Variants in TOP2B observed in about 807,000 individuals in gnomAD.
TOP2B encodes DNA topoisomerase II beta, also known as DNA topoisomerase 2-beta.
In TOP2B, 51 loss-of-function variants were observed where a neutral mutation model predicts 193.5. The ratio of observed to expected loss-of-function variants is 0.26; its 90% confidence interval spans 0.21 to 0.33. The LOEUF (loss-of-function observed/expected upper bound fraction) is 0.33. TOP2B is among the 10% of genes least tolerant of loss of function. The probability of loss-of-function intolerance (pLI) is 1.00; values close to 1 mark genes in which losing one functional copy is unlikely to be tolerated. For missense variants in TOP2B, 1,378 were observed against 1,909.3 expected (o/e 0.72, Z 5.19); for synonymous variants, 634 against 635.7 (o/e 1.00, Z 0.04).
Position 25,626,604 on chromosome 3 carries a change from A to T in TOP2B, c.2180T>A (p.Phe727Tyr). The change falls in exon 18 of 36, where the codon TTC (phenylalanine) becomes TAC (tyrosine). Residue 727 changes from phenylalanine to tyrosine, a missense_variant. By Grantham distance (22) the Phe-to-Tyr change is conservative (BLOSUM62 3). This residue lies in a region of TOP2B where 379 missense variants were observed against 615.1 expected (regional missense o/e 0.62). Coordinates refer to ENST00000264331, the MANE Select transcript of TOP2B (RefSeq NM_001330700.2). Reference sequence around the variant, plus strand: ...AGATCTTTCATTGTCTGAGTTTGAGAAGAGAATCAATTCCTTGTTGATGAA... The same window carrying T: ...AGATCTTTCATTGTCTGAGTTTGAGTAGAGAATCAATTCCTTGTTGATGAA... ...NDFINKELILFSNSDNERSIP... is the reference protein window; with the variant it reads ...NDFINKELILYSNSDNERSIP... The T allele has an allele frequency of 6.5e-7, 1 of 1,536,746 alleles. No homozygotes were observed. The highest frequency in any genetic ancestry group is 8.7e-7 in the Non-Finnish European group (1 of 1,144,538).
chr3:25,632,428 A>C lies in TOP2B; in HGVS notation c.1266+18T>G. On this transcript the variant is annotated intron_variant, in intron 10 of 35. Transcript: ENST00000264331. Reference sequence around the variant, plus strand: ...AACTCTTAATAACAACAATAAAAAAAATACAAGTTTTACTCACTGCTTTAA... The same window carrying C: ...AACTCTTAATAACAACAATAAAAAACATACAAGTTTTACTCACTGCTTTAA... 1 of 1,527,174 alleles carries C rather than the reference A, an allele frequency of 6.5e-7. No homozygotes were observed. Among genetic ancestry groups the C allele is most frequent in the East Asian group, 2.4e-5 (1 of 41,626 alleles). The allele number at this position is 1,527,174 out of a possible 1,614,324, so 94.6% of individuals were successfully genotyped here.
At chr3:25,649,288 C>A (rs1703511961) in intron 1 of TOP2B, among the ~76,000 whole-genome samples, 1 of 151,920 alleles carries the variant, frequency 6.6e-6, no homozygotes, top group African/African-American at 2.4e-5. Context: ...TTATGTAAGC[C>A]TCAAAGGAGA....
At chr3:25,651,110 G>C (rs1444451226) in intron 1 of TOP2B, among the ~76,000 whole-genome samples, 1 of 152,016 alleles carries the variant, frequency 6.6e-6, no homozygotes, top group Non-Finnish European at 1.5e-5. Context: ...ACTTTTTGAA[G>C]ACTATTTGTA....
intron 1 of TOP2B, among the ~76,000 whole-genome samples, chr3:25,656,553 T>A (rs1703751903): frequency 6.6e-6 from 1 of 152,176 alleles, no homozygotes; most frequent in South Asian, 2.1e-4. Flanking sequence ...AAATAATTGG[T>A]GTTAATCTTT....
At chr3:25,607,418 C>A in intron 30 of TOP2B, 43 bp from the exon 31 acceptor site, 1 of 1,534,534 alleles carries the variant, frequency 6.5e-7, no homozygotes. Flanking sequence ...CAAATCCTAG[C>A]TTTGTATACA....
At chr3:25,616,814 A>G (rs1702517140) in intron 25 of TOP2B, among the ~76,000 whole-genome samples, 1 of 152,020 alleles carries the variant, frequency 6.6e-6, no homozygotes, top group Non-Finnish European at 1.5e-5. Flanking sequence ...AAGTATTGTT[A>G]AGAAGTGTTC....
chr3:25,620,202 T>G, intron 22 of TOP2B, 140 bp from the exon 23 acceptor site: 1 of 623,036 alleles, frequency 1.6e-6, no homozygotes, highest in Non-Finnish European at 2.8e-6. Context: ...TCCTATCCAA[T>G]CAGTATAGAA....
intron 7 of TOP2B, among the ~76,000 whole-genome samples, chr3:25,634,539 A>G (rs954481027): frequency 5.9e-4 from 89 of 152,082 alleles, no homozygotes; most frequent in Non-Finnish European, 1.2e-4. Flanking sequence ...TAAACTAGAA[A>G]TTTTGACTAA....
At chr3:25,658,186 G>A (rs1331232011) in intron 1 of TOP2B, among the ~76,000 whole-genome samples, 2 of 151,700 alleles carry the variant, frequency 1.3e-5, no homozygotes, top group East Asian at 1.9e-4. Context: ...TCGAGACAGC[G>A]CCACTGCACC....
At chr3:25,619,533 G>T (rs1439574706) in intron 23 of TOP2B, among the ~76,000 whole-genome samples, 1 of 152,042 alleles carries the variant, frequency 6.6e-6, no homozygotes, top group African/African-American at 2.4e-5. Flanking sequence ...GTACTCTACA[G>T]TTAAAATGCT....
Position 25,609,302 on chromosome 3 carries a change from C to T in TOP2B, c.3974G>A (p.Ser1325Asn). 6.3e-7 allele frequency: 1 copy of T among 1,598,924 alleles called. No individual in the cohort carries two copies. The highest frequency in any genetic ancestry group is 8.5e-7 in the Non-Finnish European group (1 of 1,171,232). ...RKTPTSSGKP[S>N]AKKVKKRNPW... ...ATTCCGTTTCTTCACTTTCTTTGCA[C>T]TAGGTTTACCAGATGATGTAGGTGT... The change falls in exon 30 of 36, where the codon AGT becomes AAT. Residue 1325 changes from serine to asparagine, a missense_variant. By Grantham distance (46) the Ser-to-Asn change is conservative (BLOSUM62 1). This residue lies in a region of TOP2B where 556 missense variants were observed against 584.2 expected (regional missense o/e 0.95). Transcript: ENST00000264331.
intron 1 of TOP2B, among the ~76,000 whole-genome samples, chr3:25,658,070 A>AAAAC (rs1553644714): frequency 1.3e-5 from 1 of 74,612 alleles, no homozygotes; most frequent in African/African-American, 7.3e-5. Context: ...CAAAAAAAAA[A>AAAAC]AAAAAAAATT....
intron 1 of TOP2B, among the ~76,000 whole-genome samples, chr3:25,654,914 A>T (rs573251366): frequency 2.0e-5 from 3 of 152,310 alleles, no homozygotes; most frequent in Admixed American, 2.0e-4. Flanking sequence ...ATTAACATAG[A>T]TTAAAGACCT....
rs767683769 is a variant in TOP2B at position 25,637,173 on chromosome 3, A to G, written c.639+42T>C. On this transcript the variant is annotated intron_variant, in intron 6 of 35. Coordinates refer to ENST00000264331, the MANE Select transcript of TOP2B (RefSeq NM_001330700.2). ...TTCTACTATCTCGGCAAGATAATAA[A>G]ACGTTATTTTAAAAAAAGAAATAGA... 2.8e-6 allele frequency: 4 copies of G among 1,428,668 alleles called. No homozygotes were observed. In the East Asian group the frequency reaches 9.9e-5, roughly 36 times the overall value. The allele number at this position is 1,428,668 out of a possible 1,614,324, so 88.5% of individuals were successfully genotyped here. A position where few individuals can be genotyped will look rare whatever the true frequency, so the allele number is the denominator to read the frequency against.
At chr3:25,650,281 C>T (rs1209283002) in intron 1 of TOP2B, among the ~76,000 whole-genome samples, 1 of 152,202 alleles carries the variant, frequency 6.6e-6, no homozygotes, top group Non-Finnish European at 1.5e-5. Flanking sequence ...CAGATGTTAT[C>T]GTTCTTTGGC....
At chr3:25,632,967 G>T (rs1012237286) in intron 8 of TOP2B, among the ~76,000 whole-genome samples, 173 bp from the exon 9 acceptor site, 1 of 151,948 alleles carries the variant, frequency 6.6e-6, no homozygotes, top group South Asian at 2.1e-4. Flanking sequence ...CAACCGCTGT[G>T]TTTTTTTTGT....
In TOP2B at chr3:25,645,410, C is replaced by G; in HGVS notation, c.130G>C (p.Asp44His). Residue 44 changes from aspartate to histidine, a missense_variant, in exon 2 of 36, where the codon GAT becomes CAT. This residue lies in a region of TOP2B where 83 missense variants were observed against 59.3 expected (regional missense o/e 1.40). Coordinates refer to ENST00000264331, the MANE Select transcript of TOP2B (RefSeq NM_001330700.2). ...TCAACAGACAACTTCTTTGAAGAAT[C>G]ATTTTTGTTGGCAGTTTCTGACTCT... ...KEESETANKNDSSKKLSVERV... is the reference protein window; with the variant it reads ...KEESETANKNHSSKKLSVERV... 1 of 1,613,760 alleles carries G rather than the reference C, an allele frequency of 6.2e-7. No homozygotes were observed. The highest frequency in any genetic ancestry group is 1.1e-5 in the South Asian group (1 of 91,042).
At chr3:25,646,346 A>G (rs1703415143) in intron 1 of TOP2B, among the ~76,000 whole-genome samples, 1 of 152,194 alleles carries the variant, frequency 6.6e-6, no homozygotes, top group Admixed American at 6.5e-5. Flanking sequence ...TTCCTCACAT[A>G]TCAGCTCTGG....
rs1174773592 is a variant in TOP2B at position 25,620,081 on chromosome 3, T to G, written c.2863-19A>C. ...TATATACCTATAAAGATTTAAAAAT[T>G]AGTGATTCTTTTCATGACACACTCT... On this transcript the variant is annotated intron_variant, in intron 22 of 35. Coordinates refer to ENST00000264331, the MANE Select transcript of TOP2B (RefSeq NM_001330700.2). 9.2e-6 allele frequency: 13 copies of G among 1,410,518 alleles called. No individual in the cohort carries two copies. The highest frequency in any genetic ancestry group is 1.2e-5 in the Non-Finnish European group (12 of 1,031,092). The allele number at this position is 1,410,518 out of a possible 1,614,324, so 87.4% of individuals were successfully genotyped here.
Sources: gnomAD v4.1 joint callset for allele counts (sites outside exome capture counted in the v4.1 genomes callset) on GRCh38, gnomAD v4.1.1 for gene constraint, gnomAD v4.1.1 regional missense constraint, MANE v1.5 for transcripts, NCBI Gene and HGNC (gene_info 2026-07-23, HGNC 2026-07-21) for gene names.